IFT88: variants seen among roughly 807,000 people sequenced by gnomAD.
IFT88 encodes intraflagellar transport 88.
Under a neutral mutation model 119.5 loss-of-function variants are expected in IFT88, and 74 were observed. The observed-to-expected ratio is 0.62, with a 90% CI of 0.51 to 0.75. The LOEUF (loss-of-function observed/expected upper bound fraction) is 0.75, where lower values mean the gene tolerates loss of function less well. IFT88 is among the 30% of genes least tolerant of loss of function. The pLI is 0.00. For synonymous variants in IFT88, 279 were observed against 316.7 expected (o/e 0.88, Z 1.26); for missense variants, 961 against 977.7 (o/e 0.98, Z 0.23).
intron 2 of IFT88, among the ~76,000 whole-genome samples, chr13:20,576,816 C>T (rs2037473066): frequency 6.6e-6 from 1 of 152,042 alleles, no homozygotes; most frequent in African/African-American, 2.4e-5. Flanking sequence ...CAGTTTTGTT[C>T]TTTTTGCTCA....
At chr13:20,689,186 C>T (rs903219909) in intron 24 of IFT88, among the ~76,000 whole-genome samples, 4 of 152,180 alleles carry the variant, frequency 2.6e-5, no homozygotes, top group African/African-American at 9.7e-5. Context: ...CCTGCCTTGG[C>T]CTCCCAAAGT....
chr13:20,650,288 T>G (rs1458185067), intron 20 of IFT88, among the ~76,000 whole-genome samples: 1 of 152,186 alleles, frequency 6.6e-6, no homozygotes, highest in Non-Finnish European at 1.5e-5. Flanking sequence ...GCAAGTGGTA[T>G]TTACTCCTAG....
intron 24 of IFT88, among the ~76,000 whole-genome samples, chr13:20,672,959 C>A (rs1354437584): frequency 3.9e-5 from 6 of 152,146 alleles, no homozygotes; most frequent in Non-Finnish European, 8.8e-5. Context: ...TCAAAAGCAA[C>A]TCTAGACAGC....
chr13:20,599,578 CA>C lies in IFT88; in HGVS notation c.812+15del, dbSNP rs1566138335. On this transcript the variant is annotated intron_variant, in intron 11 of 25. Coordinates refer to ENST00000351808, the MANE Select transcript of IFT88 (RefSeq NM_006531.5). ...ATAAGCAAATGAGGTAAGTTTATAA[CA>C]ATAGATAATAATTGTAAAATTTAAG... is the stretch of plus-strand genomic sequence containing the variant. 1 of 1,109,766 alleles carries C rather than the reference CA, an allele frequency of 9.0e-7. No individual in the cohort carries two copies. Among genetic ancestry groups the C allele is most frequent in the South Asian group, 1.5e-5 (1 of 68,876 alleles). The allele number at this position is 1,109,766 out of a possible 1,614,324, so 68.7% of individuals were successfully genotyped here. A position where few individuals can be genotyped will look rare whatever the true frequency, so the allele number is the denominator to read the frequency against.
chr13:20,690,603 C>A, intron 24 of IFT88, 102 bp from the exon 25 acceptor site: 2 of 733,022 alleles, frequency 2.7e-6, no homozygotes, highest in South Asian at 3.4e-5. Context: ...AATTAAACAA[C>A]CTGCTTGTTT....
chr13:20,593,428 T>C (rs1231938887), intron 7 of IFT88, among the ~76,000 whole-genome samples: 1 of 151,952 alleles, frequency 6.6e-6, no homozygotes, highest in Non-Finnish European at 1.5e-5. Flanking sequence ...AACCCAGTTT[T>C]TCTAGTTCCA....
At chr13:20,649,229 A>G (rs1467969588) in intron 20 of IFT88, among the ~76,000 whole-genome samples, 1 of 152,230 alleles carries the variant, frequency 6.6e-6, no homozygotes, top group Non-Finnish European at 1.5e-5. Flanking sequence ...TTAAGTGTAC[A>G]TGGAACGTTC....
intron 8 of IFT88, among the ~76,000 whole-genome samples, chr13:20,596,464 GA>G (rs895570541): frequency 6.6e-6 from 1 of 152,024 alleles, no homozygotes; most frequent in African/African-American, 2.4e-5. Context: ...TTTCAGTAGG[GA>G]AAAAAATTCT....
intron 22 of IFT88, among the ~76,000 whole-genome samples, chr13:20,661,734 TA>T (rs10544629): frequency 0.19 from 27,120 of 143,476 alleles, 2,907 homozygotes; most frequent in African/African-American, 0.3. Context: ...GACTCCATCT[TA>T]AAAAAAAAAA....
At chr13:20,581,907 A>G (rs1341265750) in intron 2 of IFT88, among the ~76,000 whole-genome samples, 1 of 152,158 alleles carries the variant, frequency 6.6e-6, no homozygotes, top group Non-Finnish European at 1.5e-5. Flanking sequence ...ACTTGTATGC[A>G]ATAAAACTGT....
chr13:20,590,901 C>A, intron 4 of IFT88, 66 bp from the exon 5 acceptor site: 1 of 1,100,208 alleles, frequency 9.1e-7, no homozygotes, highest in Non-Finnish European at 1.4e-6. Context: ...ACTTCTATAA[C>A]TTGGTTTAAA....
chr13:20,641,468 ATAAGTT>A, intron 18 of IFT88, 70 bp downstream of exon 18: 1 of 924,642 alleles, frequency 1.1e-6, no homozygotes, highest in Non-Finnish European at 1.7e-6. Flanking sequence ...CAATTATTAA[ATAAGTT>A]TAACTAATGA....
At chr13:20,639,488 A>G (rs539835970) in intron 17 of IFT88, among the ~76,000 whole-genome samples, 9 of 152,260 alleles carry the variant, frequency 5.9e-5, no homozygotes, top group Admixed American at 2.6e-4. Flanking sequence ...CCAACCTTGA[A>G]GAATAGGGGA....
At chr13:20,608,373 A>G (rs188480076) in intron 13 of IFT88, among the ~76,000 whole-genome samples, 16 of 152,166 alleles carry the variant, frequency 1.1e-4, no homozygotes, top group East Asian at 3.9e-4. Context: ...CTAAACAGAC[A>G]CTGGTGTCTC....
Position 20,684,359 on chromosome 13 carries a change from G to T in IFT88, c.2243-6346G>T, listed in dbSNP as rs2057654882. Among the ~76,000 whole-genome samples the T allele has an allele frequency of 2.0e-5, 3 of 152,192 alleles. No homozygotes were observed. In the South Asian group the frequency reaches 6.3e-4, roughly 32 times the overall value. ...TCAAAATAATGAGGGGGTATAGAGG[G>T]GTAGGGACAAACCTCTCCCTCCTTT... On this transcript the variant is annotated intron_variant, in intron 24 of 25. Transcript: ENST00000351808.
At chr13:20,683,294 G>T (rs932345026) in intron 24 of IFT88, among the ~76,000 whole-genome samples, 2 of 152,130 alleles carry the variant, frequency 1.3e-5, no homozygotes, top group African/African-American at 4.8e-5. Context: ...AAACCCTGAT[G>T]AGAATTCTGT....
In IFT88 at chr13:20,652,974, G is replaced by A. The variant is rs147017943; in HGVS notation, c.1950-902G>A. ...TAACATGAAATGTTAAGCAAGGCAC[G>A]GTGGGAGATGAGTTGGAGAAGCAGA... On this transcript the variant is annotated intron_variant, in intron 20 of 25. Coordinates refer to ENST00000351808, the MANE Select transcript of IFT88 (RefSeq NM_006531.5). Among the ~76,000 whole-genome samples, 212 of 152,308 alleles carry A rather than the reference G, an allele frequency of 1.4e-3. 4 individuals are homozygous for A. In the East Asian group the frequency reaches 0.034, roughly 24 times the overall value.
At chr13:20,688,599 C>T (rs572872806) in intron 24 of IFT88, among the ~76,000 whole-genome samples, 1 of 152,174 alleles carries the variant, frequency 6.6e-6, no homozygotes, top group Non-Finnish European at 1.5e-5. Flanking sequence ...GAGGAATGCA[C>T]TTTTAAGTTC....
chr13:20,668,171 C>G (rs1403150972), intron 23 of IFT88, among the ~76,000 whole-genome samples: 3 of 152,182 alleles, frequency 2.0e-5, no homozygotes, highest in Admixed American at 6.6e-5. Flanking sequence ...CCTGGAATAC[C>G]CGGTGGGGCA....
Sources: allele counts gnomAD v4.1 joint callset (sites outside exome capture counted in the v4.1 genomes callset), GRCh38; gene constraint gnomAD v4.1.1; transcripts MANE v1.5; gene names NCBI Gene and HGNC (gene_info 2026-07-23, HGNC 2026-07-21).